RBMS3: variants seen among roughly 807,000 people sequenced by gnomAD.
The protein encoded by RBMS3 is RNA-binding motif, single-stranded-interacting protein 3.
RBMS3 carries 27 observed loss-of-function variants against 66.8 expected under a neutral mutation model. That is an observed-to-expected ratio of 0.40 (90% CI 0.30 to 0.56). The LOEUF (loss-of-function observed/expected upper bound fraction) is 0.56. RBMS3 is among the 20% of genes least tolerant of loss of function. The pLI, the probability that RBMS3 is intolerant of heterozygous loss-of-function variation, is 0.40. For synonymous variants in RBMS3, 188 were observed against 183.0 expected (o/e 1.03, Z -0.22); for missense variants, 513 against 549.5 (o/e 0.93, Z 0.66).
chr3:29,417,409 A>C (rs1343219016), intron 1 of RBMS3, among the ~76,000 whole-genome samples: 1 of 152,100 alleles, frequency 6.6e-6, no homozygotes, highest in African/African-American at 2.4e-5. Flanking sequence ...CAGTCCACGT[A>C]GAGTTAAATA....
chr3:29,494,447 A>G (rs1287894926), intron 3 of RBMS3, among the ~76,000 whole-genome samples: 2 of 152,200 alleles, frequency 1.3e-5, no homozygotes, highest in Non-Finnish European at 2.9e-5. Flanking sequence ...AACATACAAC[A>G]AAGCAGTCAC....
intron 1 of RBMS3, among the ~76,000 whole-genome samples, chr3:29,310,984 G>C (rs1382130516): frequency 6.6e-6 from 1 of 151,808 alleles, no homozygotes; most frequent in Non-Finnish European, 1.5e-5. Context: ...CCAACTCCCA[G>C]TGAGTCCAAA....
At chr3:29,436,243 T>C (rs1399864150) in intron 2 of RBMS3, among the ~76,000 whole-genome samples, 3 of 152,156 alleles carry the variant, frequency 2.0e-5, no homozygotes, top group Non-Finnish European at 4.4e-5. Flanking sequence ...TTGTCCTAGA[T>C]TTTAAGATTG....
intron 7 of RBMS3, among the ~76,000 whole-genome samples, chr3:29,876,189 C>T (rs1370981252): frequency 6.6e-6 from 1 of 152,088 alleles, no homozygotes; most frequent in Non-Finnish European, 1.5e-5. Flanking sequence ...TCAGCTTATT[C>T]TAATTCCTCC....
In RBMS3 at chr3:29,870,920, G is replaced by A. The variant is rs145881801; in HGVS notation, c.744+1956G>A. The stretch of plus-strand genomic sequence containing the variant: ...AGAAATATGCTTATCAAATTTTTTG[G>A]TTTGGGGATGCACATATTAATTTGT... On this transcript the variant is annotated intron_variant, in intron 7 of 14. Transcript: ENST00000383767. Among the ~76,000 whole-genome samples the A allele has an allele frequency of 2.8e-4, 43 of 152,130 alleles. 1 individual carries two copies. The East Asian group carries it at 7.6e-3, about 27-fold the overall frequency.
chr3:29,744,015 A>G (rs76864152), intron 5 of RBMS3, among the ~76,000 whole-genome samples: 3,935 of 149,376 alleles, frequency 0.026, 163 homozygotes, highest in African/African-American at 0.091. Context: ...TTGTCCTTGC[A>G]ATTATTTGCA....
At chr3:29,882,712 A>G (rs2059765241) in intron 7 of RBMS3, among the ~76,000 whole-genome samples, 1 of 152,116 alleles carries the variant, frequency 6.6e-6, no homozygotes, top group African/African-American at 2.4e-5. Context: ...GAGAATTTTC[A>G]TGTCAATTAT....
rs116350155 is a variant in RBMS3, at chr3:29,888,155, C to A, written c.791+3947C>A. On this transcript the variant is annotated intron_variant, in intron 8 of 14. Coordinates refer to ENST00000383767, the MANE Select transcript of RBMS3 (RefSeq NM_001003793.3). ...TATATTAACAATATAACATTGTATC[C>A]TTTAAACTATTTGAACAGTTGCAAA... Among the ~76,000 whole-genome samples, 1,216 of 151,716 alleles carry A rather than the reference C, an allele frequency of 8.0e-3. 16 individuals are homozygous for A. The highest frequency in any genetic ancestry group is 0.028 in the African/African-American group (1,172 of 41,454).
chr3:29,607,632 A>G (rs1462377056), intron 4 of RBMS3, among the ~76,000 whole-genome samples: 2 of 151,988 alleles, frequency 1.3e-5, no homozygotes, highest in Admixed American at 6.6e-5. Context: ...GCCTGTTTTT[A>G]AATCTCTGAA....
chr3:29,392,488 A>T (rs983667852), intron 1 of RBMS3, among the ~76,000 whole-genome samples: 12 of 152,136 alleles, frequency 7.9e-5, no homozygotes, highest in Admixed American at 2.6e-4. Flanking sequence ...GGAGTCATTC[A>T]GTAAATATTT....
intron 14 of RBMS3, chr3:29,991,445 C>T (rs533299994): frequency 1.8e-5 from 10 of 544,228 alleles, no homozygotes; most frequent in Non-Finnish European, 2.5e-5. Context: ...CTATGCATCT[C>T]TGCTTCTGGG....
intron 4 of RBMS3, among the ~76,000 whole-genome samples, chr3:29,588,520 G>T (rs1363559936): frequency 6.6e-6 from 1 of 152,046 alleles, no homozygotes; most frequent in Non-Finnish European, 1.5e-5. Flanking sequence ...TTGTCTTCTA[G>T]TGAACTGATA....
intron 6 of RBMS3, among the ~76,000 whole-genome samples, chr3:29,866,340 G>C (rs979475338): frequency 3.9e-5 from 6 of 152,148 alleles, no homozygotes; most frequent in African/African-American, 1.4e-4. Context: ...TGGGTGTAAT[G>C]TGTGTGTCTG....
chr3:29,674,860 A>T (rs896191298), intron 4 of RBMS3, among the ~76,000 whole-genome samples: 3 of 152,064 alleles, frequency 2.0e-5, no homozygotes, highest in Non-Finnish European at 4.4e-5. Flanking sequence ...TGCCATCCCC[A>T]TCAAGCAACC....
intron 1 of RBMS3, among the ~76,000 whole-genome samples, chr3:29,336,426 G>A (rs1292744359): frequency 6.6e-6 from 1 of 151,808 alleles, no homozygotes. Flanking sequence ...ACTGACACAT[G>A]CCAATATTGA....
intron 6 of RBMS3, among the ~76,000 whole-genome samples, chr3:29,779,706 A>AATATATATATATATACATATATATATAT: frequency 9.3e-6 from 1 of 107,062 alleles, no homozygotes; most frequent in Middle Eastern, 5.6e-3. Flanking sequence ...ATTAAGATGA[A>AATATATATATATATACATATATATATAT]ATATATATAT....
At chr3:29,806,240 A>G (rs983114394) in intron 6 of RBMS3, among the ~76,000 whole-genome samples, 1 of 151,970 alleles carries the variant, frequency 6.6e-6, no homozygotes, top group African/African-American at 2.4e-5. Flanking sequence ...AACAGAAATC[A>G]TTTTGACCAC....
At chr3:29,674,561 G>T (rs921813974) in intron 4 of RBMS3, among the ~76,000 whole-genome samples, 6 of 152,002 alleles carry the variant, frequency 3.9e-5, no homozygotes, top group African/African-American at 1.5e-4. Flanking sequence ...CAGAGTCTCA[G>T]GATACAAAAT....
chr3:29,478,171 T>C (rs555214007), intron 2 of RBMS3, among the ~76,000 whole-genome samples: 2 of 152,322 alleles, frequency 1.3e-5, no homozygotes, highest in African/African-American at 2.4e-5. Context: ...AAACCTAATA[T>C]GTGGTTTGGA....
Sources: allele counts gnomAD v4.1 joint callset (sites outside exome capture counted in the v4.1 genomes callset), GRCh38; gene constraint gnomAD v4.1.1; transcripts MANE v1.5; gene names NCBI Gene and HGNC (gene_info 2026-07-23, HGNC 2026-07-21).